The following PDE4D variants were observed in gnomAD, a reference collection of about 807,000 sequenced individuals.
PDE4D encodes 3',5'-cyclic-AMP phosphodiesterase 4D.
Under a neutral mutation model 87.4 loss-of-function variants are expected in PDE4D, and 24 were observed. The ratio of observed to expected loss-of-function variants is 0.27; its 90% CI spans 0.20 to 0.39. The LOEUF is 0.39. PDE4D is among the 10% of genes least tolerant of loss of function. The pLI, the probability that PDE4D is intolerant of heterozygous loss-of-function variation, is 1.00. For synonymous variants in PDE4D, 384 were observed against 383.2 expected (o/e 1.00, Z -0.02); for missense variants, 714 against 1,041.0 (o/e 0.69, Z 4.32).
intron 1 of PDE4D, among the ~76,000 whole-genome samples, chr5:60,242,991 C>G (rs1747301386): frequency 6.6e-6 from 1 of 151,536 alleles, no homozygotes; most frequent in African/African-American, 2.4e-5. Flanking sequence ...AAGTTCAGAG[C>G]AGAAATAAAT....
intron 2 of PDE4D, among the ~76,000 whole-genome samples, chr5:59,209,831 A>T (rs753705843): frequency 3.9e-5 from 6 of 152,214 alleles, no homozygotes; most frequent in Non-Finnish European, 5.9e-5. Flanking sequence ...CACAGAAAGG[A>T]ATATCATGGT....
intron 3 of PDE4D, among the ~76,000 whole-genome samples, chr5:59,931,971 G>A (rs538559514): frequency 1.3e-5 from 2 of 152,256 alleles, no homozygotes; most frequent in Non-Finnish European, 2.9e-5. Context: ...AAAGTGCTGG[G>A]ATTACAGGCC....
intron 2 of PDE4D, among the ~76,000 whole-genome samples, chr5:60,184,773 G>C (rs1174598608): frequency 6.6e-6 from 1 of 152,196 alleles, no homozygotes; most frequent in Non-Finnish European, 1.5e-5. Flanking sequence ...AAATGTGTTT[G>C]CATTTGTGGT....
rs960799264 is a variant in PDE4D, at chr5:59,966,707, G to T, written c.272+21781C>A. On this transcript the variant is annotated intron_variant, in intron 3 of 16. Coordinates refer to the PDE4D transcript ENST00000502484. ...AATTAACAGACTCTAATATAGCATTGTACAAAGTCAATTTTCTAAAAATCA... is the reference window on the plus strand; with the variant it reads ...AATTAACAGACTCTAATATAGCATTTTACAAAGTCAATTTTCTAAAAATCA... 7.9e-5 allele frequency among the ~76,000 whole-genome samples: 12 copies of T among 152,242 alleles called. No individual in the cohort carries two copies. In the South Asian group the frequency reaches 2.3e-3, roughly 29 times the overall value.
At chr5:59,237,545 C>T (rs564765908) in intron 1 of PDE4D, among the ~76,000 whole-genome samples, 1 of 152,188 alleles carries the variant, frequency 6.6e-6, no homozygotes, top group Non-Finnish European at 1.5e-5. Flanking sequence ...TATGATTTTC[C>T]TGCACTGATT....
chr5:59,586,674 T>C (rs182168034), intron 1 of PDE4D: 2 of 985,368 alleles, frequency 2.0e-6, no homozygotes, highest in Admixed American at 1.2e-4. Flanking sequence ...CTAATAATCC[T>C]AAATGGTGGC....
chr5:59,017,454 A>G, intron 6 of PDE4D, among the ~76,000 whole-genome samples: 1 of 152,192 alleles, frequency 6.6e-6, no homozygotes, highest in East Asian at 1.9e-4. Flanking sequence ...TGTAAGGAGA[A>G]AGAAGAATCC....
intron 2 of PDE4D, among the ~76,000 whole-genome samples, chr5:60,034,774 A>G (rs1420388998): frequency 1.3e-5 from 2 of 152,180 alleles, no homozygotes; most frequent in African/African-American, 2.4e-5. Context: ...TTATATAGCC[A>G]CAATGCTCTC....
chr5:60,310,725 C>T (rs1193093908), intron 1 of PDE4D, among the ~76,000 whole-genome samples: 1 of 152,242 alleles, frequency 6.6e-6, no homozygotes, highest in Non-Finnish European at 1.5e-5. Context: ...TCTTGCTCTA[C>T]TTCTGACACA....
chr5:60,229,068 T>C (rs1745498938), intron 1 of PDE4D, among the ~76,000 whole-genome samples: 2 of 152,178 alleles, frequency 1.3e-5, no homozygotes, highest in Admixed American at 1.3e-4. Context: ...ATAAGTCTGC[T>C]GATACATCTA....
chr5:60,043,146 G>T (rs1725011764), intron 2 of PDE4D, among the ~76,000 whole-genome samples: 2 of 151,660 alleles, frequency 1.3e-5, no homozygotes, highest in South Asian at 4.1e-4. Context: ...ACTTCCTGAA[G>T]CATACACAAG....
chr5:60,338,320 C>T lies in PDE4D; in HGVS notation c.-90+149622G>A, dbSNP rs182453273. On this transcript the variant is annotated intron_variant, in intron 1 of 16. Transcript: ENST00000502484. ...GACAGAAAATGAGCAAAAACCCAGG[C>T]GCGCAAGATGCCAAGGAGCAAGAAT... is the stretch of plus-strand genomic sequence containing the variant. 3.7e-3 allele frequency among the ~76,000 whole-genome samples: 568 copies of T among 152,290 alleles called. 3 individuals carry two copies. The highest frequency in any genetic ancestry group is 5.4e-3 in the Non-Finnish European group (364 of 68,020).
chr5:59,759,791 A>T (rs902446654), intron 1 of PDE4D, among the ~76,000 whole-genome samples: 1 of 152,040 alleles, frequency 6.6e-6, no homozygotes, highest in Non-Finnish European at 1.5e-5. Flanking sequence ...TCCCCCAGAA[A>T]CTTGCTCCCC....
intron 2 of PDE4D, among the ~76,000 whole-genome samples, chr5:60,047,420 T>G (rs920366447): frequency 1.1e-4 from 16 of 152,224 alleles, no homozygotes; most frequent in Admixed American, 2.0e-4. Context: ...CTTTTGAATG[T>G]GTTTGCTCTT....
intron 2 of PDE4D, among the ~76,000 whole-genome samples, chr5:60,142,699 G>A (rs1417643539): frequency 3.3e-5 from 5 of 152,196 alleles, no homozygotes; most frequent in Non-Finnish European, 5.9e-5. Flanking sequence ...GCCAGATGAC[G>A]GAGAACCTGA....
At chr5:60,488,545 G>A (rs1395344555), upstream of PDE4D, 1 of 151,562 alleles carries the variant, frequency 6.6e-6, no homozygotes, top group African/African-American at 2.4e-5. Flanking sequence ...TTCTAATCGT[G>A]TGCAGGATCA....
chr5:59,351,595 A>T (rs1450247324), intron 1 of PDE4D, among the ~76,000 whole-genome samples: 2 of 152,158 alleles, frequency 1.3e-5, no homozygotes, highest in African/African-American at 4.8e-5. Flanking sequence ...TTTTGGCCAG[A>T]TGAAATGAGC....
chr5:60,170,977 T>C (rs1178799418), intron 2 of PDE4D, among the ~76,000 whole-genome samples: 1 of 151,994 alleles, frequency 6.6e-6, no homozygotes, highest in African/African-American at 2.4e-5. Context: ...GGGATCAAAA[T>C]ATGTATCTGG....
At chr5:60,326,686 A>C (rs192543526) in intron 1 of PDE4D, among the ~76,000 whole-genome samples, 15 of 152,274 alleles carry the variant, frequency 9.9e-5, no homozygotes, top group African/African-American at 3.6e-4. Context: ...TTGCCCACAC[A>C]GAGCTATTCG....
Sources: gnomAD v4.1 joint callset for allele counts (sites outside exome capture counted in the v4.1 genomes callset) on GRCh38, gnomAD v4.1.1 for gene constraint, MANE v1.5 for transcripts, NCBI Gene and HGNC (gene_info 2026-07-23, HGNC 2026-07-21) for gene names.